Variants in TEX11 observed in about 807,000 individuals in gnomAD.
TEX11 encodes the protein testis-expressed protein 11.
A neutral mutation model predicts 84.4 loss-of-function variants in TEX11; 7 were observed. That is an observed-to-expected ratio of 0.08 (90% CI 0.05 to 0.16). TEX11 has a LOEUF of 0.16. Among genes scored for constraint, TEX11 ranks in the 10% least tolerant of loss-of-function variants. The probability of loss-of-function intolerance (pLI) is 1.00; values close to 1 mark genes in which losing one functional copy is unlikely to be tolerated. For synonymous variants in TEX11, 264 were observed against 222.8 expected, an observed-to-expected ratio of 1.18 and a Z score of -1.64; for missense variants, 551 against 660.5, an observed-to-expected ratio of 0.83 and a Z score of 1.82.
chrX:70,860,898 C>A lies in TEX11; in HGVS notation c.283G>T (p.Ala95Ser). 8.4e-7 allele frequency: 1 copy of A among 1,191,727 alleles called. No individual in the cohort carries two copies. The highest frequency in any genetic ancestry group is 3.0e-5 in the East Asian group (1 of 32,817). Reference sequence around the variant, plus strand: ...ATACTTTGTTCTGAGGCAAATGAGGCTTCACACATACTCAGCAACTTGCAA... The same window carrying A: ...ATACTTTGTTCTGAGGCAAATGAGGATTCACACATACTCAGCAACTTGCAA... ...VACKLLSMCE[A>S]SFASEQSIQR... The change falls in exon 5 of 30, where the codon GCC (alanine) becomes TCC (serine). Residue 95 changes from alanine (A) to serine (S), a missense_variant. Physicochemically the swap from Ala to Ser is moderately conservative, Grantham distance 99 (BLOSUM62 1). Coordinates refer to ENST00000374333, the MANE Select transcript of TEX11 (RefSeq NM_031276.3).
chrX:70,549,793 C>G (rs948704265), intron 28 of TEX11, among the ~76,000 whole-genome samples: 27 of 112,638 alleles, frequency 2.4e-4, no homozygotes, highest in Non-Finnish European at 3.6e-4. Flanking sequence ...ACTCCAGGCC[C>G]TGGCTCCTGC....
chrX:70,710,544 A>AT (rs79913206), intron 13 of TEX11, among the ~76,000 whole-genome samples: 1,028 of 98,305 alleles, frequency 0.01, 14 homozygotes, highest in African/African-American at 0.034. Context: ...AAAAGTTCTC[A>AT]TTTTTTTTTT....
At chrX:70,818,532 T>G (rs2091301964) in intron 8 of TEX11, among the ~76,000 whole-genome samples, 1 of 110,528 alleles carries the variant, frequency 9.0e-6, no homozygotes, top group African/African-American at 3.3e-5. Flanking sequence ...TGAGGACTAT[T>G]TCAGCCTTCA....
intron 25 of TEX11, among the ~76,000 whole-genome samples, chrX:70,581,729 G>A (rs2088779378): frequency 8.9e-6 from 1 of 111,794 alleles, no homozygotes; most frequent in Non-Finnish European, 1.9e-5. Context: ...GTGTTCGTGA[G>A]CTCTGTTAAT....
chrX:70,703,319 A>T (rs927607826), intron 13 of TEX11, among the ~76,000 whole-genome samples: 2 of 111,669 alleles, frequency 1.8e-5, no homozygotes, highest in African/African-American at 6.5e-5. Flanking sequence ...AACCCTAGAA[A>T]GTGTTATAAT....
chrX:70,626,515 T>A (rs2089453253), intron 18 of TEX11, among the ~76,000 whole-genome samples: 1 of 111,303 alleles, frequency 9.0e-6, no homozygotes, highest in Admixed American at 9.6e-5. Context: ...TTACCAGTTT[T>A]TCACTGTCCC....
chrX:70,649,446 C>T (rs761461554), intron 17 of TEX11, among the ~76,000 whole-genome samples: 1 of 112,386 alleles, frequency 8.9e-6, no homozygotes, highest in Non-Finnish European at 1.9e-5. Context: ...ATTTCAAGTG[C>T]TGATGAGGAT....
At chrX:70,804,644 G>T (rs1363896719) in intron 9 of TEX11, among the ~76,000 whole-genome samples, 1 of 111,716 alleles carries the variant, frequency 9.0e-6, no homozygotes, top group Non-Finnish European at 1.9e-5. Context: ...TATTTATTTA[G>T]ATTTTTATGA....
intron 9 of TEX11, among the ~76,000 whole-genome samples, chrX:70,780,057 A>G (rs2091027969): frequency 1.8e-5 from 2 of 111,498 alleles, no homozygotes; most frequent in African/African-American, 3.3e-5. Flanking sequence ...GCCTGAGGTC[A>G]GGAGTTTGAG....
chrX:70,752,353 C>G (rs932055214), intron 9 of TEX11, among the ~76,000 whole-genome samples: 1 of 108,672 alleles, frequency 9.2e-6, no homozygotes, highest in Admixed American at 9.9e-5. Flanking sequence ...GGAGAAACCC[C>G]TTCTCTACCA....
At chrX:70,800,783 C>G (rs1193590270) in intron 9 of TEX11, among the ~76,000 whole-genome samples, 10 of 106,442 alleles carry the variant, frequency 9.4e-5, no homozygotes, top group Non-Finnish European at 1.9e-4. Context: ...GCCTCGACCT[C>G]CTGGGTTCAA....
intron 4 of TEX11, among the ~76,000 whole-genome samples, chrX:70,867,730 C>G (rs2091607106): frequency 9.0e-6 from 1 of 110,739 alleles, no homozygotes; most frequent in Non-Finnish European, 1.9e-5. Context: ...CACCCATCTA[C>G]AACCATTCGA....
chrX:70,567,779 A>G (rs2088513470), intron 25 of TEX11, among the ~76,000 whole-genome samples: 1 of 111,692 alleles, frequency 9.0e-6, no homozygotes, highest in African/African-American at 3.3e-5. Flanking sequence ...ACAGTTTGTT[A>G]TAATGTTTGT....
intron 8 of TEX11, among the ~76,000 whole-genome samples, chrX:70,812,960 C>T (rs2091265781): frequency 9.0e-6 from 1 of 111,137 alleles, no homozygotes; most frequent in South Asian, 3.8e-4. Context: ...AATTAATAGC[C>T]TACCAACCAA....
chrX:70,638,173 A>G (rs1273209733), intron 17 of TEX11, among the ~76,000 whole-genome samples: 1 of 111,495 alleles, frequency 9.0e-6, no homozygotes, highest in Non-Finnish European at 1.9e-5. Context: ...TCCAAACAAG[A>G]CAACACCAAG....
intron 13 of TEX11, among the ~76,000 whole-genome samples, chrX:70,690,881 C>A (rs1335928362): frequency 9.1e-6 from 1 of 110,381 alleles, no homozygotes; most frequent in African/African-American, 3.3e-5. Context: ...AGAAAACAAT[C>A]AGCAAAATCA....
chrX:70,637,053 T>TA (rs1204528755), intron 17 of TEX11, among the ~76,000 whole-genome samples: 1 of 107,082 alleles, frequency 9.3e-6, no homozygotes, highest in Non-Finnish European at 1.9e-5. Context: ...CTAAGCAAAT[T>TA]AAAAAAAAAG....
intron 25 of TEX11, among the ~76,000 whole-genome samples, chrX:70,560,064 G>A (rs1231163269): frequency 9.0e-6 from 1 of 110,671 alleles, no homozygotes; most frequent in Non-Finnish European, 1.9e-5. Context: ...TTCTCAATGT[G>A]CATTTTCTTG....
intron 13 of TEX11, among the ~76,000 whole-genome samples, chrX:70,712,175 C>T (rs2090442627): frequency 9.0e-6 from 1 of 111,454 alleles, no homozygotes; most frequent in Non-Finnish European, 1.9e-5. Flanking sequence ...CAGTACTATG[C>T]TGTTTTGGTT....
Sources: gnomAD v4.1 joint callset for allele counts (sites outside exome capture counted in the v4.1 genomes callset) on GRCh38, gnomAD v4.1.1 for gene constraint, MANE v1.5 for transcripts, NCBI Gene and HGNC (gene_info 2026-07-23, HGNC 2026-07-21) for gene names.